KCNIP4: variants seen among roughly 807,000 people sequenced by gnomAD.
KCNIP4 encodes potassium voltage-gated channel interacting protein 4, also known as Kv channel-interacting protein 4.
In KCNIP4, 12 loss-of-function variants were observed where a neutral mutation model predicts 34.0. The ratio of observed to expected loss-of-function variants is 0.35; its 90% confidence interval spans 0.23 to 0.57. The LOEUF (loss-of-function observed/expected upper bound fraction) is 0.57. Ranked by LOEUF, KCNIP4 falls within the 20% of genes least tolerant of loss-of-function variation. The probability of loss-of-function intolerance (pLI) is 0.83; values close to 1 mark genes in which losing one functional copy is unlikely to be tolerated. For missense variants in KCNIP4, 238 were observed against 311.7 expected (o/e 0.76, Z 1.78); for synonymous variants, 124 against 102.2 (o/e 1.21, Z -1.29).
At chr4:21,541,637 A>G (rs1737700603) in intron 1 of KCNIP4, among the ~76,000 whole-genome samples, 1 of 151,944 alleles carries the variant, frequency 6.6e-6, no homozygotes, top group South Asian at 2.1e-4. Context: ...TAAGCTTTCT[A>G]TTTATTTCTT....
intron 1 of KCNIP4, among the ~76,000 whole-genome samples, chr4:21,298,299 T>C (rs886854388): frequency 6.6e-6 from 1 of 152,138 alleles, no homozygotes; most frequent in Admixed American, 6.6e-5. Context: ...GATGACCATC[T>C]TCATCAAGCC....
intron 1 of KCNIP4, among the ~76,000 whole-genome samples, chr4:21,575,463 C>A (rs1740682076): frequency 6.6e-6 from 1 of 152,064 alleles, no homozygotes; most frequent in Non-Finnish European, 1.5e-5. Flanking sequence ...TGTCCAATAC[C>A]TTACTGCTGA....
chr4:21,001,149 G>C (rs896740372), intron 1 of KCNIP4, among the ~76,000 whole-genome samples: 3 of 152,108 alleles, frequency 2.0e-5, no homozygotes, highest in African/African-American at 4.8e-5. Context: ...AATATCTACC[G>C]AAAGCAACAA....
chr4:20,808,592 C>T (rs755106440), intron 3 of KCNIP4, among the ~76,000 whole-genome samples: 1 of 152,194 alleles, frequency 6.6e-6, no homozygotes, highest in Non-Finnish European at 1.5e-5. Context: ...ACTCGGTGCA[C>T]TTTATGCTAG....
intron 1 of KCNIP4, among the ~76,000 whole-genome samples, chr4:21,282,636 A>G (rs1762849886): frequency 6.6e-6 from 1 of 152,238 alleles, no homozygotes; most frequent in South Asian, 2.1e-4. Flanking sequence ...GTTTCACAAT[A>G]TGTGTAGAGC....
chr4:21,866,746 C>G (rs914265468), intron 1 of KCNIP4, among the ~76,000 whole-genome samples: 1 of 149,780 alleles, frequency 6.7e-6, no homozygotes, highest in Non-Finnish European at 1.5e-5. Flanking sequence ...AAAGTGAATT[C>G]CATAGTTCAG....
intron 1 of KCNIP4, among the ~76,000 whole-genome samples, chr4:21,308,690 G>A (rs1326892506): frequency 1.3e-5 from 2 of 148,204 alleles, no homozygotes; most frequent in African/African-American, 5.0e-5. Context: ...ATACAAGAAA[G>A]TTCTGTGCCC....
chr4:21,188,975 A>G (rs1755443076), intron 1 of KCNIP4, among the ~76,000 whole-genome samples: 1 of 152,190 alleles, frequency 6.6e-6, no homozygotes, highest in South Asian at 2.1e-4. Context: ...AAGTCCTAGA[A>G]TTGAATCTGA....
chr4:21,868,605 T>C (rs1029866421), intron 1 of KCNIP4, among the ~76,000 whole-genome samples: 6 of 151,926 alleles, frequency 3.9e-5, no homozygotes, highest in African/African-American at 1.5e-4. Flanking sequence ...GTCTGGCTCA[T>C]AGGCACCCAG....
Position 21,036,218 on chromosome 4 carries a change from G to A in KCNIP4, c.62-153509C>T, listed in dbSNP as rs567957891. Among the ~76,000 whole-genome samples the A allele has an allele frequency of 7.2e-4, 110 of 152,070 alleles. 1 individual carries two copies. The highest frequency in any genetic ancestry group is 3.2e-3 in the Middle Eastern group (1 of 316). ...CATATGCTATGCCTTTATGAATACT[G>A]TATATTTAATCTGCACAAAAATTCT... On this transcript the variant is annotated intron_variant, in intron 1 of 8. Transcript: ENST00000382152.
intron 1 of KCNIP4, among the ~76,000 whole-genome samples, chr4:21,253,661 TG>T (rs1760871076): frequency 6.6e-6 from 1 of 152,232 alleles, no homozygotes; most frequent in Admixed American, 6.5e-5. Flanking sequence ...ATACTGGCTA[TG>T]TATTAAAATC....
At chr4:21,752,407 T>C (rs963483535) in intron 1 of KCNIP4, among the ~76,000 whole-genome samples, 1 of 151,996 alleles carries the variant, frequency 6.6e-6, no homozygotes, top group Non-Finnish European at 1.5e-5. Flanking sequence ...GAGCCCCTTG[T>C]AAAACCATCA....
At chr4:20,889,863 C>T (rs1236006075) in intron 1 of KCNIP4, among the ~76,000 whole-genome samples, 3 of 151,050 alleles carry the variant, frequency 2.0e-5, no homozygotes, top group Admixed American at 6.6e-5. Flanking sequence ...CTTTAAAGAC[C>T]ATAAAACAAA....
intron 6 of KCNIP4, 35 bp from the exon 7 acceptor site, chr4:20,732,820 A>C (rs778592981): frequency 8.0e-7 from 1 of 1,252,838 alleles, no homozygotes; most frequent in East Asian, 2.3e-5. Flanking sequence ...GAGGCTGCAC[A>C]CATGTATGAA....
chr4:21,080,546 T>C (rs1745913030), intron 1 of KCNIP4, among the ~76,000 whole-genome samples: 1 of 151,810 alleles, frequency 6.6e-6, no homozygotes, highest in African/African-American at 2.4e-5. Flanking sequence ...TCAGTTCAAA[T>C]GCCAATTCTT....
At chr4:21,591,646 G>A (rs1004184822) in intron 1 of KCNIP4, among the ~76,000 whole-genome samples, 1 of 151,820 alleles carries the variant, frequency 6.6e-6, no homozygotes, top group East Asian at 1.9e-4. Context: ...TATCTTACTG[G>A]TGACTTCAGT....
At chr4:21,548,243 C>T (rs1349453278) in intron 1 of KCNIP4, among the ~76,000 whole-genome samples, 1 of 152,034 alleles carries the variant, frequency 6.6e-6, no homozygotes, top group Non-Finnish European at 1.5e-5. Flanking sequence ...CATTTCGGAT[C>T]TTAAGTTTTC....
chr4:21,777,608 T>C (rs1005647549), intron 1 of KCNIP4, among the ~76,000 whole-genome samples: 2 of 152,118 alleles, frequency 1.3e-5, no homozygotes, highest in African/African-American at 2.4e-5. Flanking sequence ...CTGCTCAGAA[T>C]TACATATAAA....
chr4:21,932,143 T>C (rs1729604460), intron 1 of KCNIP4, among the ~76,000 whole-genome samples: 1 of 152,150 alleles, frequency 6.6e-6, no homozygotes, highest in East Asian at 1.9e-4. Context: ...CTATACCATA[T>C]GCCTTTTTTA....
Sources: gnomAD v4.1 joint callset for allele counts (sites outside exome capture counted in the v4.1 genomes callset) on GRCh38, gnomAD v4.1.1 for gene constraint, MANE v1.5 for transcripts, NCBI Gene and HGNC (gene_info 2026-07-23, HGNC 2026-07-21) for gene names.